The following ULK1 variants were observed in gnomAD, a reference collection of about 807,000 sequenced individuals.
ULK1 encodes serine/threonine-protein kinase ULK1.
A neutral mutation model predicts 117.5 loss-of-function variants in ULK1; 48 were observed. The observed-to-expected ratio is 0.41, with a 90% CI of 0.32 to 0.52. ULK1 has a LOEUF of 0.52. ULK1 is among the 20% of genes least tolerant of loss of function. The pLI, the probability that ULK1 is intolerant of heterozygous loss-of-function variation, is 0.29. For synonymous variants in ULK1, 790 were observed against 637.8 expected (o/e 1.24, Z -3.60); for missense variants, 1,387 against 1,473.4 (o/e 0.94, Z 0.96).
chr12:131,911,873 G>A lies in ULK1; in HGVS notation c.949-69G>A, dbSNP rs1208853723. ...ACTGGGGCTCTGGGCCATCCCAGGA[G>A]GGGGAATTTGCTCCCCTGAGTGTGT... is the stretch of plus-strand genomic sequence containing the variant. On this transcript the variant is annotated intron_variant, in intron 12 of 27. Coordinates refer to ENST00000321867, the MANE Select transcript of ULK1 (RefSeq NM_003565.4). 3.7e-6 allele frequency: 6 copies of A among 1,608,380 alleles called. No individual in the cohort carries two copies. The African/African-American group carries it at 4.0e-5, about 11-fold the overall frequency.
Position 131,899,118 on chromosome 12 carries a change from C to T in ULK1, c.246+3294C>T, listed in dbSNP as rs182690345. Among the ~76,000 whole-genome samples, 39 of 152,126 alleles carry T rather than the reference C, an allele frequency of 2.6e-4. No individual in the cohort carries two copies. In the East Asian group the frequency reaches 5.4e-3, roughly 21 times the overall value. On this transcript the variant is annotated intron_variant, in intron 3 of 27. Coordinates refer to ENST00000321867, the MANE Select transcript of ULK1 (RefSeq NM_003565.4). ...GATCTTGAACGCCGGACCTCACCTT[C>T]GACCTCCCAAAGTGCTGGGATTACA...
chr12:131,910,890 A>G, intron 12 of ULK1, 90 bp downstream of exon 12: 1 of 1,560,020 alleles, frequency 6.4e-7, no homozygotes, highest in Non-Finnish European at 8.7e-7. Flanking sequence ...ACGTGCTGTG[A>G]CTTCTGTTGT....
chr12:131,898,038 A>G (rs1225594959), intron 3 of ULK1: 1 of 152,164 alleles, frequency 6.6e-6, no homozygotes, highest in African/African-American at 2.4e-5. Context: ...CAGCTTCTTT[A>G]GTTTGCGGTC....
Position 131,919,235 on chromosome 12 carries a change from TGGC to T in ULK1, c.2536_2538del (p.Gly846del). Reference sequence around the variant, plus strand: ...AGCAAGAGCACACGGAGATCCTGCGTGGCCTGCGCTTCACGCTGCTGTTCGTGC... The same window carrying T: ...AGCAAGAGCACACGGAGATCCTGCGTCTGCGCTTCACGCTGCTGTTCGTGC... On this transcript the variant is annotated inframe_deletion, in exon 24 of 28. Transcript: ENST00000321867. The T allele has an allele frequency of 1.9e-6, 3 of 1,596,706 alleles. No homozygotes were observed. The highest frequency in any genetic ancestry group is 2.5e-6 in the Non-Finnish European group (3 of 1,177,326).
At chr12:131,911,604 C>T (rs1889539129) in intron 12 of ULK1, among the ~76,000 whole-genome samples, 2 of 152,140 alleles carry the variant, frequency 1.3e-5, no homozygotes, top group Non-Finnish European at 1.5e-5. Flanking sequence ...TTGGCTATGC[C>T]GATGGAAAAG....
In ULK1 at chr12:131,919,455, C is replaced by T. The variant is rs1230816596; in HGVS notation, c.2685-17C>T. On this transcript the variant is annotated splice_polypyrimidine_tract_variant and intron_variant, in intron 24 of 27. Transcript: ENST00000321867. ...CCAGGACCAACCGGCCTCCTCTGAT[C>T]TGCCTGCCGCCCCCAGCTTCGCGGA... 1 of 1,606,516 alleles carries T rather than the reference C, an allele frequency of 6.2e-7. No homozygotes were observed. Among genetic ancestry groups the T allele is most frequent in the Non-Finnish European group, 8.5e-7 (1 of 1,177,316 alleles).
In ULK1 at chr12:131,923,038, C is replaced by T. The variant is rs538601334; in HGVS notation, c.*1677C>T. The T allele has an allele frequency of 6.6e-6, 1 of 152,278 alleles. No homozygotes were observed. The highest frequency in any genetic ancestry group is 2.4e-5 in the African/African-American group (1 of 41,452). The allele number at this position is 152,278 out of a possible 1,614,324, so 9.4% of individuals were successfully genotyped here. A position where few individuals can be genotyped will look rare whatever the true frequency, so the allele number is the denominator to read the frequency against. On this transcript the variant is annotated 3_prime_UTR_variant, in exon 28 of 28. Transcript: ENST00000321867. ...CAACTGCTGCCCCTGGTTGAATGTT[C>T]TCTTGATAGTGCTGGACCCTTTGTC...
chr12:131,909,246 GC>G lies in ULK1; in HGVS notation c.666+10del. 6.4e-7 allele frequency: 1 copy of G among 1,573,368 alleles called. No individual in the cohort carries two copies. The highest frequency in any genetic ancestry group is 8.6e-7 in the Non-Finnish European group (1 of 1,160,512). On this transcript the variant is annotated intron_variant, in intron 8 of 27. Transcript: ENST00000321867. ...GGAAGGCGCCCTTCCAGGTAACTGG[GC>G]TTGGCCCTGCTCCCCACGCCGCACC...
chr12:131,915,038 C>T lies in ULK1; in HGVS notation c.1374-45C>T, dbSNP rs1489735388. 7 of 1,514,716 alleles carry T rather than the reference C, an allele frequency of 4.6e-6. No homozygotes were observed. In the East Asian group the frequency reaches 6.8e-5, roughly 15 times the overall value. The allele number at this position is 1,514,716 out of a possible 1,614,324, so 93.8% of individuals were successfully genotyped here. ...GGTCCTCTGCCGTCCACAGGTCAGG[C>T]AGGGCTGCTGAGGCCTCCCCTCCTA... is the stretch of plus-strand genomic sequence containing the variant. On this transcript the variant is annotated intron_variant, in intron 16 of 27. Transcript: ENST00000321867.
Position 131,917,426 on chromosome 12 carries a change from T to C in ULK1, c.2198T>C (p.Phe733Ser). 1 of 1,533,540 alleles carries C rather than the reference T, an allele frequency of 6.5e-7. No homozygotes were observed. The highest frequency in any genetic ancestry group is 2.5e-5 in the East Asian group (1 of 40,788). 95.0% of individuals were successfully genotyped at this position (1,533,540 alleles called of 1,614,324 possible). ...KPMEIAPSAG[F>S]GGSLHPGARA... ...GCTCTCCCAGCACCCTCAGCTGGCT[T>C]TGGAGGGAGCCTGCACCCAGGAGCC... The change falls in exon 22 of 28, where the codon TTT becomes TCT. Residue 733 changes from phenylalanine to serine, a missense_variant. By Grantham distance (155) the Phe-to-Ser change is radical (BLOSUM62 -2). This residue lies in a region of ULK1 where 900 missense variants were observed against 858.9 expected (regional missense o/e 1.05). Coordinates refer to ENST00000321867, the MANE Select transcript of ULK1 (RefSeq NM_003565.4).
In ULK1 at chr12:131,914,356, GC is replaced by G; in HGVS notation, c.1253del (p.Ala418ValfsTer229). The G allele has an allele frequency of 6.2e-7, 1 of 1,610,230 alleles. No homozygotes were observed. Among genetic ancestry groups the G allele is most frequent in the South Asian group, 1.1e-5 (1 of 91,082 alleles). On this transcript the variant is annotated frameshift_variant, in exon 16 of 28. Transcript: ENST00000321867. LOFTEE classifies it high-confidence loss of function. Reference protein sequence around the residue: ...CSSSPSPSGRAGPFSSSRCGA... With the variant: ...CSSSPSPSGRXGPFSSSRCGA... ...CCTGACCTCTCTCCACCACAGCCGG[GC>G]TGGCCCGTTCTCCAGCAGCAGGTGC...
At position 131,915,143 on chromosome 12, in the gene ULK1, C is replaced by T; in HGVS notation, c.1434C>T (p.Pro478=). Residue 478 remains proline, a synonymous_variant, in exon 17 of 28, where the codon CCC becomes CCT. Transcript: ENST00000321867. Reference sequence around the variant, plus strand: ...CCCTGGGCTTTGCAAGGGCCAGCCCCTCGCCCCCTGCCCACGCTGAGCATG... The same window carrying T: ...CCCTGGGCTTTGCAAGGGCCAGCCCTTCGCCCCCTGCCCACGCTGAGCATG... ...TSPLGFARAS[P]SPPAHAEHGG... The T allele has an allele frequency of 6.2e-7, 1 of 1,606,542 alleles. No homozygotes were observed. The highest frequency in any genetic ancestry group is 8.5e-7 in the Non-Finnish European group (1 of 1,176,760).
intron 3 of ULK1, 45 bp downstream of exon 3, chr12:131,895,869 C>T (rs1228589231): frequency 3.7e-6 from 6 of 1,611,684 alleles, no homozygotes; most frequent in Non-Finnish European, 5.1e-6. Context: ...GGCTGGGGGA[C>T]TGTGGCCCCA....
Position 131,917,397 on chromosome 12 carries a change from C to T in ULK1, c.2183-14C>T. ...GGAGTCAGGATGCTCCTGAGCCCTT[C>T]CTTGCTCTCCCAGCACCCTCAGCTG... On this transcript the variant is annotated splice_polypyrimidine_tract_variant and intron_variant, in intron 21 of 27. Coordinates refer to ENST00000321867, the MANE Select transcript of ULK1 (RefSeq NM_003565.4). 6.7e-7 allele frequency: 1 copy of T among 1,483,866 alleles called. No homozygotes were observed. Among genetic ancestry groups the T allele is most frequent in the South Asian group, 1.3e-5 (1 of 75,512 alleles). 91.9% of individuals were successfully genotyped at this position (1,483,866 alleles called of 1,614,324 possible). A position where few individuals can be genotyped will look rare whatever the true frequency, so the allele number is the denominator to read the frequency against.
Position 131,902,420 on chromosome 12 carries a change from C to T in ULK1, c.247-4472C>T, listed in dbSNP as rs181169218. 5.3e-5 allele frequency among the ~76,000 whole-genome samples: 8 copies of T among 152,244 alleles called. No homozygotes were observed. The highest frequency in any genetic ancestry group is 3.9e-4 in the East Asian group (2 of 5,176). On this transcript the variant is annotated intron_variant, in intron 3 of 27. Transcript: ENST00000321867. This position sits in a 1 kb window ranked among gnomAD's most constrained non-coding sequence, Gnocchi z 6.3. ...GCAGCCTCCTACGTGCCCAGACACC[C>T]GTGCCAGGCTGCCTGGGACACCTGG...
rs1400367433 is a variant in ULK1 at position 131,902,823 on chromosome 12, C to T, written c.247-4069C>T. Among the ~76,000 whole-genome samples the T allele has an allele frequency of 1.3e-5, 2 of 152,132 alleles. No individual in the cohort carries two copies. The highest frequency in any genetic ancestry group is 2.1e-4 in the South Asian group (1 of 4,820). The stretch of plus-strand genomic sequence containing the variant: ...GGCGAGCTGCTCTGCCTGGGGTGGC[C>T]GGTTTCCTCCCCTGGAGCCCAGGGA... On this transcript the variant is annotated intron_variant, in intron 3 of 27. Transcript: ENST00000321867. This position sits in a 1 kb window ranked among gnomAD's most constrained non-coding sequence, Gnocchi z 6.3.
rs149781829 is a variant in ULK1, at chr12:131,919,303, G to C, written c.2603G>C (p.Ser868Thr). 20 of 1,593,950 alleles carry C rather than the reference G, an allele frequency of 1.3e-5. No homozygotes were observed. Among genetic ancestry groups the C allele is most frequent in the African/African-American group, 1.3e-5 (1 of 74,632 alleles). The change falls in exon 24 of 28, where the codon AGT (serine) becomes ACT (threonine). Residue 868 changes from serine (S) to threonine (T), a missense_variant. Coordinates refer to ENST00000321867, the MANE Select transcript of ULK1 (RefSeq NM_003565.4). ...LEIAALKGSA[S>T]EAAGGPEYQL... Reference sequence around the variant, plus strand: ...ATCGCAGCCCTGAAGGGCAGCGCCAGTGAGGCGGCGGGGGGCCCTGAGTAC... The same window carrying C: ...ATCGCAGCCCTGAAGGGCAGCGCCACTGAGGCGGCGGGGGGCCCTGAGTAC...
Position 131,903,793 on chromosome 12 carries a change from C to T in ULK1, c.247-3099C>T, listed in dbSNP as rs539044013. The stretch of plus-strand genomic sequence containing the variant: ...TGCAGGGAAGAGGCTGGAGGTGCTT[C>T]GGTCCCACAGCCCCCTGCCCACTCC... On this transcript the variant is annotated intron_variant, in intron 3 of 27. Coordinates refer to ENST00000321867, the MANE Select transcript of ULK1 (RefSeq NM_003565.4). The surrounding 1 kb of genome is among the most constrained non-coding windows in gnomAD (Gnocchi z 6.0). 8.5e-5 allele frequency among the ~76,000 whole-genome samples: 13 copies of T among 152,218 alleles called. No homozygotes were observed. Among genetic ancestry groups the T allele is most frequent in the Non-Finnish European group, 1.6e-4 (11 of 67,988 alleles).
Position 131,915,926 on chromosome 12 carries a change from G to C in ULK1, c.1645G>C (p.Gly549Arg). The change falls in exon 19 of 28, where the codon GGG becomes CGG. Residue 549 changes from glycine (G) to arginine (R), a missense_variant. Gly to Arg is a moderately radical substitution (Grantham distance 125). This residue lies in a region of ULK1 where 900 missense variants were observed against 858.9 expected (regional missense o/e 1.05). Transcript: ENST00000321867. ...ACCCGAGCACTCTCCCCGCACTTCC[G>C]GGCTGGGCTGCCGCCTGCACAGCGC... ...SAPEHSPRTS[G>R]LGCRLHSAPN... 2 of 1,612,172 alleles carry C rather than the reference G, an allele frequency of 1.2e-6. No homozygotes were observed. Among genetic ancestry groups the C allele is most frequent in the Non-Finnish European group, 1.7e-6 (2 of 1,179,830 alleles).
Sources: gnomAD v4.1 joint callset for allele counts (sites outside exome capture counted in the v4.1 genomes callset) on GRCh38, gnomAD v4.1.1 for gene constraint, gnomAD v4.1.1 regional missense constraint, Gnocchi (gnomAD v3.1) non-coding constraint, MANE v1.5 for transcripts, NCBI Gene and HGNC (gene_info 2026-07-23, HGNC 2026-07-21) for gene names.